Variants in CARMIL1 observed in about 807,000 individuals in gnomAD.
CARMIL1 encodes the protein F-actin-uncapping protein LRRC16A.
In CARMIL1, 90 loss-of-function variants were observed where a neutral mutation model predicts 177.1. The ratio of observed to expected loss-of-function variants is 0.51; its 90% CI spans 0.43 to 0.61. The LOEUF (loss-of-function observed/expected upper bound fraction) is 0.61, where lower values mean the gene tolerates loss of function less well. Among genes scored for constraint, CARMIL1 ranks in the 20% least tolerant of loss-of-function variants. CARMIL1 has a pLI of 0.00. For missense variants in CARMIL1, 1,380 were observed against 1,667.0 expected (o/e 0.83, Z 3.00); for synonymous variants, 577 against 606.2 (o/e 0.95, Z 0.71).
At chr6:25,494,255 C>T (rs1803488484) in intron 15 of CARMIL1, among the ~76,000 whole-genome samples, 1 of 151,974 alleles carries the variant, frequency 6.6e-6, no homozygotes, top group Non-Finnish European at 1.5e-5. Context: ...TTCCATGAGT[C>T]CCTCCACAGA....
intron 2 of CARMIL1, among the ~76,000 whole-genome samples, chr6:25,399,380 G>T (rs892395461): frequency 2.0e-5 from 3 of 152,186 alleles, no homozygotes; most frequent in Non-Finnish European, 4.4e-5. Flanking sequence ...AACAGCCATG[G>T]TCTCTTTGAC....
chr6:25,291,342 AAAG>A (rs1781948290), intron 2 of CARMIL1, among the ~76,000 whole-genome samples: 2 of 152,304 alleles, frequency 1.3e-5, no homozygotes, highest in African/African-American at 2.4e-5. Flanking sequence ...GGACATGAAA[AAAG>A]AAATATCTCT....
intron 2 of CARMIL1, among the ~76,000 whole-genome samples, chr6:25,362,723 C>T (rs114127447): frequency 5.3e-4 from 80 of 152,122 alleles, no homozygotes; most frequent in African/African-American, 1.9e-3. Flanking sequence ...TAGAAAAGCC[C>T]ATTTGTTTCT....
intron 24 of CARMIL1, among the ~76,000 whole-genome samples, chr6:25,529,209 G>A (rs1393056325): frequency 6.6e-6 from 1 of 151,994 alleles, no homozygotes; most frequent in Non-Finnish European, 1.5e-5. Flanking sequence ...GAGACATTCT[G>A]TTCCTTTCTC....
rs1388162568 is a variant in CARMIL1 at position 25,316,633 on chromosome 6, A to T, written c.138+31724A>T. On this transcript the variant is annotated intron_variant, in intron 2 of 36. Transcript: ENST00000329474. The stretch of plus-strand genomic sequence containing the variant: ...CATCATGTTGGTCAGGCTGGTCTTG[A>T]ACTCCTGACCTCAGGTGATCTGCCT... Among the ~76,000 whole-genome samples the T allele has an allele frequency of 2.6e-5, 4 of 152,072 alleles. No individual in the cohort carries two copies. In the East Asian group the frequency reaches 7.8e-4, roughly 30 times the overall value.
At chr6:25,605,032 A>G in intron 34 of CARMIL1, 139 bp downstream of exon 34, 1 of 672,682 alleles carries the variant, frequency 1.5e-6, no homozygotes, top group Non-Finnish European at 2.5e-6. Flanking sequence ...CTATCATCTG[A>G]AAGACCATAT....
intron 2 of CARMIL1, among the ~76,000 whole-genome samples, chr6:25,312,199 G>A (rs6938594): frequency 0.21 from 31,627 of 152,000 alleles, 4,232 homozygotes; most frequent in East Asian, 0.4. Context: ...GGTGTGCTCA[G>A]ATAAACTTTA....
intron 29 of CARMIL1, among the ~76,000 whole-genome samples, chr6:25,575,042 C>T (rs1812459167): frequency 6.6e-6 from 1 of 152,134 alleles, no homozygotes; most frequent in Non-Finnish European, 1.5e-5. Context: ...TTATTTAATC[C>T]TCACAATTTA....
At chr6:25,475,265 G>A (rs1036145425) in intron 11 of CARMIL1, among the ~76,000 whole-genome samples, 37 of 152,078 alleles carry the variant, frequency 2.4e-4, no homozygotes, top group African/African-American at 6.5e-4. Flanking sequence ...TTAGCTGGGC[G>A]TGGTGGCAGG....
chr6:25,433,214 A>G (rs1184216622), intron 4 of CARMIL1: 1 of 152,168 alleles, frequency 6.6e-6, no homozygotes, highest in African/African-American at 2.4e-5. Context: ...CTTCTCTGTC[A>G]TTCTATTCAA....
intron 8 of CARMIL1, chr6:25,452,479 C>T (rs141033018): frequency 6.5e-5 from 24 of 371,116 alleles, no homozygotes; most frequent in South Asian, 3.4e-4. Context: ...TAAAAATGAT[C>T]GATCTTTGGT....
At chr6:25,535,839 A>G (rs1304703122) in intron 24 of CARMIL1, among the ~76,000 whole-genome samples, 1 of 152,180 alleles carries the variant, frequency 6.6e-6, no homozygotes, top group Non-Finnish European at 1.5e-5. Context: ...GAGCTCTTTC[A>G]TGGTAAAGGA....
chr6:25,398,190 T>G (rs9461156), intron 2 of CARMIL1, among the ~76,000 whole-genome samples: 64,820 of 151,978 alleles, frequency 0.43, 14,026 homozygotes, highest in Middle Eastern at 0.58. Context: ...GTGGAATTTT[T>G]TACTTCCTAT....
At chr6:25,609,960 G>T (rs1271679887) in intron 35 of CARMIL1, 90 bp from the exon 36 acceptor site, 3 of 1,362,164 alleles carry the variant, frequency 2.2e-6, no homozygotes, top group South Asian at 1.8e-5. Flanking sequence ...TTTTTTAAAT[G>T]ACTTATTTTT....
intron 8 of CARMIL1, chr6:25,451,960 A>G (rs1012537894): frequency 1.2e-5 from 6 of 514,408 alleles, no homozygotes; most frequent in African/African-American, 6.1e-5. Flanking sequence ...GTTGTTGCCC[A>G]TATGTCATCT....
At chr6:25,318,911 G>A (rs1420228732) in intron 2 of CARMIL1, among the ~76,000 whole-genome samples, 1 of 152,132 alleles carries the variant, frequency 6.6e-6, no homozygotes, top group African/African-American at 2.4e-5. Context: ...TTTTTCTTTG[G>A]ACCTGAAATG....
At chr6:25,339,501 A>G (rs1463007487) in intron 2 of CARMIL1, among the ~76,000 whole-genome samples, 1 of 152,186 alleles carries the variant, frequency 6.6e-6, no homozygotes, top group Non-Finnish European at 1.5e-5. Context: ...GGGTCTGTCC[A>G]GTTTTCAGTA....
rs1813063483 is a variant in CARMIL1 at position 25,580,947 on chromosome 6, G to A, written c.2766G>A (p.Lys922=). The change falls in exon 30 of 37, where the codon AAG becomes AAA. Residue 922 remains lysine, a synonymous_variant. Transcript: ENST00000329474. ...TCMMTPKSKR[K]SIHSRMLRPV... ...AGATGACCCCTAAATCCAAAAGGAA[G>A]AGTATCCATAGCCGAATGCTGCGGC... 6.2e-7 allele frequency: 1 copy of A among 1,600,444 alleles called. No homozygotes were observed. The highest frequency in any genetic ancestry group is 8.5e-7 in the Non-Finnish European group (1 of 1,172,908).
In CARMIL1 at chr6:25,582,981, C is replaced by T. The variant is rs1004659008; in HGVS notation, c.3006+1542C>T. On this transcript the variant is annotated intron_variant, in intron 31 of 36. Coordinates refer to ENST00000329474, the MANE Select transcript of CARMIL1 (RefSeq NM_017640.6). Reference sequence around the variant, plus strand: ...TGGGACATGCTGCCCCAAAATATGGCGCCTTGGCATTTGAGGAAATAGCAA... The same window carrying T: ...TGGGACATGCTGCCCCAAAATATGGTGCCTTGGCATTTGAGGAAATAGCAA... Among the ~76,000 whole-genome samples, 7 of 152,276 alleles carry T rather than the reference C, an allele frequency of 4.6e-5. No individual in the cohort carries two copies. The East Asian group carries it at 5.8e-4, about 13-fold the overall frequency.
Sources: gnomAD v4.1 joint callset for allele counts (sites outside exome capture counted in the v4.1 genomes callset) on GRCh38, gnomAD v4.1.1 for gene constraint, MANE v1.5 for transcripts, NCBI Gene and HGNC (gene_info 2026-07-23, HGNC 2026-07-21) for gene names.